SNRPN: variants seen among roughly 807,000 people sequenced by gnomAD.
The protein encoded by SNRPN is small nuclear ribonucleoprotein-associated protein N.
A neutral mutation model predicts 25.2 loss-of-function variants in SNRPN; 7 were observed. That is an observed-to-expected ratio of 0.28 (90% confidence interval 0.16 to 0.52). SNRPN has a LOEUF of 0.52. SNRPN is among the 20% of genes least tolerant of loss of function. SNRPN has a pLI of 0.96. For missense variants in SNRPN, 196 were observed against 322.5 expected, an observed-to-expected ratio of 0.61 and a Z score of 3.00; for synonymous variants, 124 against 110.6, an observed-to-expected ratio of 1.12 and a Z score of -0.76.
intron 2 of SNRPN, among the ~76,000 whole-genome samples, chr15:24,831,083 C>T (rs1211432994): frequency 6.6e-6 from 1 of 152,008 alleles, no homozygotes; most frequent in Admixed American, 6.6e-5. Context: ...TTAACAGTTT[C>T]TGCCTCACGT....
chr15:24,881,399 T>C (rs921322457), intron 1 of SNRPN, among the ~76,000 whole-genome samples: 2 of 145,302 alleles, frequency 1.4e-5, no homozygotes, highest in African/African-American at 2.5e-5. Flanking sequence ...GGCATGGGGG[T>C]GGACACCTGT....
chr15:24,870,261 A>G (rs2054964424), intron 1 of SNRPN, among the ~76,000 whole-genome samples: 1 of 152,194 alleles, frequency 6.6e-6, no homozygotes, highest in African/African-American at 2.4e-5. Flanking sequence ...AAACAAAGAT[A>G]CAGACCCAGG....
intron 1 of SNRPN, among the ~76,000 whole-genome samples, chr15:24,881,587 GAGAGAGAGA>G (rs2056656851): frequency 3.2e-5 from 1 of 31,532 alleles, no homozygotes; most frequent in African/African-American, 1.2e-4. Flanking sequence ...GAGGGAGGGA[GAGAGAGAGA>G]GAGAGAGAGA....
rs2076821305 is a variant in SNRPN at position 24,974,371 on chromosome 15, A to G, written c.-83A>G. 1 of 1,324,094 alleles carries G rather than the reference A, an allele frequency of 7.6e-7. No individual in the cohort carries two copies. Among genetic ancestry groups the G allele is most frequent in the Non-Finnish European group, 1.1e-6 (1 of 915,572 alleles). 82.0% of individuals were successfully genotyped at this position (1,324,094 alleles called of 1,614,324 possible). On this transcript the variant is annotated 5_prime_UTR_variant, in exon 4 of 10. Coordinates refer to ENST00000390687, the MANE Select transcript of SNRPN (RefSeq NM_003097.6). Reference sequence around the variant, plus strand: ...CATTGTTTCTAGGAGAACCTGCGTCATACCTTTATCTATAGCCTTCCCCTA... The same window carrying G: ...CATTGTTTCTAGGAGAACCTGCGTCGTACCTTTATCTATAGCCTTCCCCTA...
At chr15:24,932,734 T>A (rs1001504934) in intron 3 of SNRPN, among the ~76,000 whole-genome samples, 1 of 152,060 alleles carries the variant, frequency 6.6e-6, no homozygotes, top group African/African-American at 2.4e-5. Context: ...ACTGCAACCT[T>A]GGCCTCTCAG....
intron 2 of SNRPN, chr15:24,909,511 C>A (rs536735968): frequency 2.0e-6 from 3 of 1,521,724 alleles, no homozygotes; most frequent in Non-Finnish European, 2.7e-6. Context: ...TGCGGGCCAG[C>A]GGCAGGCCAG....
intron 2 of SNRPN, chr15:24,848,375 G>T (rs1409130725): frequency 6.6e-6 from 1 of 152,342 alleles, no homozygotes; most frequent in Admixed American, 6.6e-5. Context: ...CGGTTATGGC[G>T]CCCGCTGGGA....
At chr15:24,883,261 G>A (rs981374080) in intron 1 of SNRPN, among the ~76,000 whole-genome samples, 1 of 152,222 alleles carries the variant, frequency 6.6e-6, no homozygotes. Context: ...GATGGTCTGC[G>A]GTGGGCAGTC....
intron 2 of SNRPN, among the ~76,000 whole-genome samples, chr15:24,838,534 A>T (rs2051417105): frequency 6.6e-6 from 1 of 152,078 alleles, no homozygotes; most frequent in African/African-American, 2.4e-5. Flanking sequence ...CTGTAGAAAG[A>T]ATGGATTACG....
chr15:24,849,333 A>G (rs2052583194), intron 2 of SNRPN: 3 of 152,230 alleles, frequency 2.0e-5, no homozygotes, highest in Admixed American at 2.0e-4. Context: ...TCATACAATT[A>G]CAAAATTATT....
intron 3 of SNRPN, among the ~76,000 whole-genome samples, chr15:24,945,324 CT>C (rs1357001514): frequency 4.3e-5 from 6 of 140,698 alleles, no homozygotes; most frequent in Admixed American, 1.5e-4. Context: ...TCCTCTCCCC[CT>C]TTCCCCCACC....
chr15:24,954,972 TGCA>T, upstream of SNRPN: 5 of 1,599,950 alleles, frequency 3.1e-6, no homozygotes, highest in Middle Eastern at 2.2e-4. Context: ...CTGCCGCTGC[TGCA>T]GCGAGTCTGG....
Position 24,975,736 on chromosome 15 carries a change from A to G in SNRPN, c.155+227A>G, listed in dbSNP as rs760480037. The stretch of plus-strand genomic sequence containing the variant: ...TGGATTTATTACTGGGAGTAAAAGT[A>G]TATGCTATGGTCAGAATACTCGTAT... On this transcript the variant is annotated intron_variant, in intron 5 of 9. Transcript: ENST00000390687. Among the ~76,000 whole-genome samples, 10 of 152,210 alleles carry G rather than the reference A, an allele frequency of 6.6e-5. No individual in the cohort carries two copies. In the East Asian group the frequency reaches 1.9e-3, roughly 29 times the overall value.
chr15:24,879,446 A>G (rs1005342224), intron 1 of SNRPN, among the ~76,000 whole-genome samples: 3 of 151,982 alleles, frequency 2.0e-5, no homozygotes, highest in Non-Finnish European at 4.4e-5. Flanking sequence ...CTACAAAAAA[A>G]AAAGAAAGAA....
At chr15:24,889,521 G>A (rs2057473516) in intron 2 of SNRPN, among the ~76,000 whole-genome samples, 1 of 150,558 alleles carries the variant, frequency 6.6e-6, no homozygotes, top group Non-Finnish European at 1.5e-5. Context: ...TAGCCAGGAT[G>A]GTCTTGATCT....
intron 3 of SNRPN, among the ~76,000 whole-genome samples, chr15:24,920,735 A>C (rs1016012347): frequency 6.6e-6 from 1 of 152,180 alleles, no homozygotes; most frequent in African/African-American, 2.4e-5. Context: ...CATAAACTCA[A>C]TCCCAGACCT....
intron 1 of SNRPN, among the ~76,000 whole-genome samples, chr15:24,825,672 G>T (rs1237133321): frequency 6.6e-6 from 1 of 152,084 alleles, no homozygotes; most frequent in Admixed American, 6.5e-5. Flanking sequence ...CCTGTCTTAA[G>T]AGTGCTCAGA....
At chr15:24,961,001 T>G (rs977546380) in intron 1 of SNRPN, among the ~76,000 whole-genome samples, 4 of 152,204 alleles carry the variant, frequency 2.6e-5, no homozygotes, top group African/African-American at 9.6e-5. Context: ...TACTAGAAAC[T>G]TAGCTGTATG....
At chr15:24,940,309 G>GT (rs1288959349) in intron 3 of SNRPN, among the ~76,000 whole-genome samples, 1 of 152,058 alleles carries the variant, frequency 6.6e-6, no homozygotes, top group African/African-American at 2.4e-5. Flanking sequence ...GTTATGAAGC[G>GT]TTTTTTCCTG....
Sources: gnomAD v4.1 joint callset for allele counts (sites outside exome capture counted in the v4.1 genomes callset) on GRCh38, gnomAD v4.1.1 for gene constraint, MANE v1.5 for transcripts, NCBI Gene and HGNC (gene_info 2026-07-23, HGNC 2026-07-21) for gene names.